The following TENM2 variants were observed in gnomAD, a reference collection of about 807,000 sequenced individuals.
TENM2 encodes teneurin-2.
A neutral mutation model predicts 245.2 loss-of-function variants in TENM2; 52 were observed. That is an observed-to-expected ratio of 0.21 (90% CI 0.17 to 0.27). The LOEUF (loss-of-function observed/expected upper bound fraction) is 0.27. Among genes scored for constraint, TENM2 ranks in the 10% least tolerant of loss-of-function variants. TENM2 has a pLI of 1.00. For synonymous variants in TENM2, 1,363 were observed against 1,438.9 expected (o/e 0.95, Z 1.19); for missense variants, 3,046 against 3,666.8 (o/e 0.83, Z 4.37).
At chr5:168,150,367 C>T (rs1456822228) in intron 12 of TENM2, among the ~76,000 whole-genome samples, 2 of 152,212 alleles carry the variant, frequency 1.3e-5, no homozygotes, top group Non-Finnish European at 2.9e-5. Context: ...GATTCGCACA[C>T]ACTGAACTCA....
chr5:168,058,107 G>A (rs775719189), intron 6 of TENM2, among the ~76,000 whole-genome samples: 9 of 152,182 alleles, frequency 5.9e-5, no homozygotes, highest in Non-Finnish European at 1.2e-4. Context: ...GGAGTTGTGC[G>A]CCTGTGCTCC....
At chr5:167,250,396 T>G in the TENM2 span, among the ~76,000 whole-genome samples, 1 of 152,254 alleles carries the variant, frequency 6.6e-6, no homozygotes, top group South Asian at 2.1e-4. Context: ...AATATAACAA[T>G]ATTGAGTACA....
At chr5:167,163,183 G>A in the TENM2 span, among the ~76,000 whole-genome samples, 14 of 152,154 alleles carry the variant, frequency 9.2e-5, no homozygotes, top group Admixed American at 4.6e-4. Context: ...ACCCGCTGCA[G>A]CCTCAAACTC....
chr5:167,581,592 A>G (rs1775097438), intron 2 of TENM2, among the ~76,000 whole-genome samples: 1 of 152,218 alleles, frequency 6.6e-6, no homozygotes, highest in South Asian at 2.1e-4. Context: ...ATATACATAC[A>G]TGTATGTACA....
chr5:167,104,234 T>C, the TENM2 span, among the ~76,000 whole-genome samples: 1 of 152,116 alleles, frequency 6.6e-6, no homozygotes, highest in African/African-American at 2.4e-5. Context: ...ACTTGGCGGG[T>C]ACTCATTAAA....
At chr5:167,535,279 G>A (rs540766643) in intron 2 of TENM2, among the ~76,000 whole-genome samples, 307 of 151,888 alleles carry the variant, frequency 2.0e-3, no homozygotes, top group South Asian at 3.3e-3. Flanking sequence ...CCTTTTCTGC[G>A]CCTCAAAGGG....
chr5:168,069,465 A>G (rs1019284075), intron 7 of TENM2, among the ~76,000 whole-genome samples: 1 of 152,178 alleles, frequency 6.6e-6, no homozygotes, highest in Non-Finnish European at 1.5e-5. Flanking sequence ...GAGCTCTTAT[A>G]AAAATGTCCT....
chr5:167,601,932 G>A (rs1235140726), intron 2 of TENM2, among the ~76,000 whole-genome samples: 1 of 151,888 alleles, frequency 6.6e-6, no homozygotes, highest in Non-Finnish European at 1.5e-5. Context: ...AAAGGAACTG[G>A]GGATGGTGAA....
In TENM2 at chr5:168,244,161, TC is replaced by T. The variant is rs1482157900; in HGVS notation, c.5521-256del. Among the ~76,000 whole-genome samples, 1 of 152,100 alleles carries T rather than the reference TC, an allele frequency of 6.6e-6. No individual in the cohort carries two copies. Among genetic ancestry groups the T allele is most frequent in the Non-Finnish European group, 1.5e-5 (1 of 68,030 alleles). On this transcript the variant is annotated intron_variant, in intron 25 of 28. Transcript: ENST00000518659. The surrounding 1 kb of genome is among the most constrained non-coding windows in gnomAD (Gnocchi z 4.9). Reference sequence around the variant, plus strand: ...CATGTTGGCCAGGCTGGTCTTGAACTCCCGACCTCAGGTGATCCACCCACTT... The same window carrying T: ...CATGTTGGCCAGGCTGGTCTTGAACTCCGACCTCAGGTGATCCACCCACTT...
chr5:167,752,478 C>A (rs2150654968), intron 2 of TENM2, among the ~76,000 whole-genome samples: 1 of 152,084 alleles, frequency 6.6e-6, no homozygotes, highest in South Asian at 2.1e-4. Flanking sequence ...AGTGACCACA[C>A]CCACATAGGG....
intron 2 of TENM2, among the ~76,000 whole-genome samples, chr5:167,705,466 AC>A (rs1251912470): frequency 6.6e-6 from 1 of 152,126 alleles, no homozygotes; most frequent in Non-Finnish European, 1.5e-5. Flanking sequence ...TTTATGATTA[AC>A]CTGTGGCTGT....
intron 5 of TENM2, among the ~76,000 whole-genome samples, chr5:168,017,644 G>T (rs1785776036): frequency 6.6e-6 from 1 of 152,162 alleles, no homozygotes; most frequent in Non-Finnish European, 1.5e-5. Context: ...AGGCTGCCCC[G>T]TTGGGATGCT....
At chr5:167,231,224 G>GTGGTGC in the TENM2 span, among the ~76,000 whole-genome samples, 5 of 152,154 alleles carry the variant, frequency 3.3e-5, no homozygotes, top group Non-Finnish European at 7.3e-5. Flanking sequence ...TGCAGCAAAG[G>GTGGTGC]TACCCGAAAA....
chr5:167,179,971 A>G, the TENM2 span, among the ~76,000 whole-genome samples: 2 of 152,208 alleles, frequency 1.3e-5, no homozygotes, highest in Admixed American at 1.3e-4. Context: ...ATGGAAAGGC[A>G]GGACTTGGCG....
chr5:167,737,484 A>T (rs757650127), intron 2 of TENM2, among the ~76,000 whole-genome samples: 23 of 152,100 alleles, frequency 1.5e-4, no homozygotes, highest in Non-Finnish European at 2.5e-4. Flanking sequence ...GGAAGAGAGA[A>T]CCCAGCTGGG....
At chr5:167,945,720 A>G (rs868003554) in intron 3 of TENM2, among the ~76,000 whole-genome samples, 34 of 152,292 alleles carry the variant, frequency 2.2e-4, no homozygotes, top group African/African-American at 7.7e-4. Flanking sequence ...GAGGTCATAT[A>G]TTTTGTGTAA....
intron 2 of TENM2, among the ~76,000 whole-genome samples, chr5:167,662,194 A>G (rs1190650262): frequency 3.3e-5 from 5 of 152,186 alleles, no homozygotes. Context: ...ATCCACACAG[A>G]ACCATGAGGT....
chr5:168,201,245 T>C (rs1761911682), intron 17 of TENM2, among the ~76,000 whole-genome samples: 1 of 151,998 alleles, frequency 6.6e-6, no homozygotes, highest in African/African-American at 2.4e-5. Context: ...GTGTATTTAA[T>C]ATACAACACT....
intron 1 of TENM2, among the ~76,000 whole-genome samples, chr5:167,292,319 G>A (rs756820805): frequency 9.2e-5 from 14 of 152,190 alleles, no homozygotes; most frequent in Admixed American, 2.0e-4. Flanking sequence ...ATTTGTTTCC[G>A]TTTTTCATTT....
Sources: allele counts gnomAD v4.1 joint callset (sites outside exome capture counted in the v4.1 genomes callset), GRCh38; gene constraint gnomAD v4.1.1; non-coding constraint Gnocchi (gnomAD v3.1); transcripts MANE v1.5; gene names NCBI Gene and HGNC (gene_info 2026-07-23, HGNC 2026-07-21).